Variants in PCDHA12 observed in about 807,000 individuals in gnomAD.
The protein encoded by PCDHA12 is protocadherin alpha 12.
Under a neutral mutation model 60.0 loss-of-function variants are expected in PCDHA12, and 44 were observed. That is an observed-to-expected ratio of 0.73 (90% CI 0.58 to 0.94). PCDHA12 has a LOEUF of 0.94. Ranked by LOEUF, PCDHA12 falls within the 40% of genes least tolerant of loss-of-function variation. The pLI, the probability that PCDHA12 is intolerant of heterozygous loss-of-function variation, is 0.00. For missense variants in PCDHA12, 1,276 were observed against 1,239.7 expected, an observed-to-expected ratio of 1.03 and a Z score of -0.44; for synonymous variants, 569 against 553.0, an observed-to-expected ratio of 1.03 and a Z score of -0.40.
rs1563652468 is a variant in PCDHA12 at position 141,000,419 on chromosome 5, A to AT, written c.2516-9207dup. The stretch of plus-strand genomic sequence containing the variant: ...TCTATATATATATATATATATATAT[A>AT]TATTTTTTTTTTTTTTTTTTTTTTT... On this transcript the variant is annotated intron_variant, in intron 3 of 3. Transcript: ENST00000398631. 4.4e-3 allele frequency among the ~76,000 whole-genome samples: 271 copies of AT among 60,978 alleles called. 1 individual carries two copies. The highest frequency in any genetic ancestry group is 5.9e-3 in the Non-Finnish European group (210 of 35,644). The allele number at this position is 60,978 out of a possible 152,430, so 40.0% of individuals were successfully genotyped here.
At chr5:140,885,864 GA>G (rs1267536827) in intron 1 of PCDHA12, among the ~76,000 whole-genome samples, 5 of 151,842 alleles carry the variant, frequency 3.3e-5, no homozygotes, top group African/African-American at 4.8e-5. Context: ...CTTTTCTATT[GA>G]AAAAAAATTT....
chr5:140,914,318 T>C (rs2076678777), intron 1 of PCDHA12, among the ~76,000 whole-genome samples: 6 of 152,216 alleles, frequency 3.9e-5, no homozygotes, highest in Admixed American at 3.9e-4. Flanking sequence ...CCCATTATCA[T>C]TGTACAAAGA....
intron 3 of PCDHA12, among the ~76,000 whole-genome samples, chr5:140,990,735 C>T (rs1554251705): frequency 6.6e-6 from 1 of 152,112 alleles, no homozygotes; most frequent in African/African-American, 2.4e-5. Flanking sequence ...ATATCAACAG[C>T]CCTAGGGTGG....
At chr5:140,961,479 C>G (rs2095615905) in intron 1 of PCDHA12, among the ~76,000 whole-genome samples, 1 of 152,108 alleles carries the variant, frequency 6.6e-6, no homozygotes, top group Non-Finnish European at 1.5e-5. Context: ...TTTGTCTTGT[C>G]CACGTGAGTA....
chr5:140,911,480 G>A (rs2075504387), intron 1 of PCDHA12, among the ~76,000 whole-genome samples: 1 of 152,142 alleles, frequency 6.6e-6, no homozygotes, highest in African/African-American at 2.4e-5. Flanking sequence ...CTCTCACTCA[G>A]GGCAATCTTA....
At chr5:140,900,280 T>G (rs549563825) in intron 1 of PCDHA12, among the ~76,000 whole-genome samples, 1 of 152,182 alleles carries the variant, frequency 6.6e-6, no homozygotes, top group Admixed American at 6.5e-5. Flanking sequence ...TGTACCACAC[T>G]TTCTTTTCTG....
intron 1 of PCDHA12, chr5:140,968,823 A>T (rs569036779): frequency 1.2e-6 from 2 of 1,614,192 alleles, no homozygotes; most frequent in Non-Finnish European, 8.5e-7. Context: ...AGGGTTTCCA[A>T]AATCCTCCCT....
At chr5:140,883,609 C>T (rs2059699123) in intron 1 of PCDHA12, 1 of 1,614,032 alleles carries the variant, frequency 6.2e-7, no homozygotes, top group Non-Finnish European at 8.5e-7. Flanking sequence ...GGGTGGCCGA[C>T]GTGAACGACA....
chr5:140,987,149 G>A (rs1380803903), intron 3 of PCDHA12, among the ~76,000 whole-genome samples: 1 of 151,884 alleles, frequency 6.6e-6, no homozygotes, highest in African/African-American at 2.4e-5. Context: ...GGGAGGTGGA[G>A]GTTGCAGTGA....
intron 1 of PCDHA12, among the ~76,000 whole-genome samples, chr5:140,952,538 T>C (rs558395294): frequency 6.6e-6 from 1 of 152,256 alleles, no homozygotes; most frequent in South Asian, 2.1e-4. Flanking sequence ...AGACTGGACT[T>C]CTTTGTCCAT....
chr5:140,932,593 A>T (rs1347990722), intron 1 of PCDHA12, among the ~76,000 whole-genome samples: 1 of 151,922 alleles, frequency 6.6e-6, no homozygotes, highest in South Asian at 2.1e-4. Context: ...GATGTTTTGT[A>T]TATCTATTTT....
At chr5:140,881,388 G>A (rs2058697659) in intron 1 of PCDHA12, 1 of 983,292 alleles carries the variant, frequency 1.0e-6, no homozygotes, top group Non-Finnish European at 1.2e-6. Context: ...GCGGCGGTAA[G>A]TTAAATTCTA....
At chr5:140,885,930 A>AT (rs1188534786) in intron 1 of PCDHA12, among the ~76,000 whole-genome samples, 1 of 152,104 alleles carries the variant, frequency 6.6e-6, no homozygotes, top group African/African-American at 2.4e-5. Flanking sequence ...CTGTTTATCT[A>AT]TTTTTTGACA....
intron 1 of PCDHA12, among the ~76,000 whole-genome samples, chr5:140,895,413 C>G (rs141941836): frequency 6.6e-6 from 1 of 152,122 alleles, no homozygotes; most frequent in Non-Finnish European, 1.5e-5. Flanking sequence ...GCCCCATAAC[C>G]TTCTTTTGCT....
At chr5:141,005,680 C>T (rs1389178600) in intron 3 of PCDHA12, among the ~76,000 whole-genome samples, 6 of 111,878 alleles carry the variant, frequency 5.4e-5, no homozygotes, top group East Asian at 2.8e-4. Flanking sequence ...CCAGCCTGGG[C>T]GACAGAGCGA....
intron 1 of PCDHA12, among the ~76,000 whole-genome samples, chr5:140,919,088 T>C (rs2153552205): frequency 6.6e-6 from 1 of 152,378 alleles, no homozygotes; most frequent in South Asian, 2.1e-4. Context: ...TATTGAATTG[T>C]CTATTTCTCC....
intron 3 of PCDHA12, among the ~76,000 whole-genome samples, chr5:141,002,467 G>A (rs1266754067): frequency 6.6e-6 from 1 of 152,202 alleles, no homozygotes; most frequent in African/African-American, 2.4e-5. Context: ...TAACGCTTTA[G>A]CATTTTCAAA....
intron 1 of PCDHA12, among the ~76,000 whole-genome samples, chr5:140,950,195 C>T (rs186601471): frequency 6.6e-6 from 1 of 152,028 alleles, no homozygotes; most frequent in South Asian, 2.1e-4. Flanking sequence ...AAAAAATAGT[C>T]ATTTCTGTTT....
At chr5:140,939,104 T>G (rs2092317491) in intron 1 of PCDHA12, among the ~76,000 whole-genome samples, 1 of 152,160 alleles carries the variant, frequency 6.6e-6, no homozygotes, top group South Asian at 2.1e-4. Context: ...CAATAGAAAT[T>G]TATTTTTCAC....
Sources: gnomAD v4.1 joint callset for allele counts (sites outside exome capture counted in the v4.1 genomes callset) on GRCh38, gnomAD v4.1.1 for gene constraint, MANE v1.5 for transcripts, NCBI Gene and HGNC (gene_info 2026-07-23, HGNC 2026-07-21) for gene names.